RAB38: variants seen among roughly 807,000 people sequenced by gnomAD.
The protein encoded by RAB38 is ras-related protein Rab-38.
In RAB38, 15 loss-of-function variants were observed where a neutral mutation model predicts 18.4. The ratio of observed to expected loss-of-function variants is 0.82; its 90% CI spans 0.55 to 1.26. The LOEUF is 1.26. Among genes scored for constraint, RAB38 ranks in the 50% most tolerant of loss-of-function variants. The probability of loss-of-function intolerance (pLI) is 0.00; values close to 1 mark genes in which losing one functional copy is unlikely to be tolerated. For synonymous variants in RAB38, 101 were observed against 104.4 expected (o/e 0.97, Z 0.20); for missense variants, 294 against 267.4 (o/e 1.10, Z -0.69).
At chr11:88,042,015 C>G in the RAB38 span, among the ~76,000 whole-genome samples, 1 of 152,046 alleles carries the variant, frequency 6.6e-6, no homozygotes, top group Non-Finnish European at 1.5e-5. Context: ...ACCCACAACT[C>G]AGAAAAGGAA....
At chr11:88,141,647 G>A (rs892337521) in intron 2 of RAB38, among the ~76,000 whole-genome samples, 2 of 152,192 alleles carry the variant, frequency 1.3e-5, no homozygotes, top group African/African-American at 4.8e-5. Flanking sequence ...ATTCTCAGCT[G>A]GAAGGGTTTA....
chr11:88,079,803 A>C, the RAB38 span, among the ~76,000 whole-genome samples: 1 of 151,752 alleles, frequency 6.6e-6, no homozygotes, highest in Admixed American at 6.6e-5. Context: ...AAATATAGTA[A>C]TCTCGGTAGA....
the RAB38 span, among the ~76,000 whole-genome samples, chr11:87,867,657 C>A: frequency 6.6e-6 from 1 of 151,736 alleles, no homozygotes; most frequent in Non-Finnish European, 1.5e-5. Flanking sequence ...AATTGAAAGT[C>A]TGAAATTGAG....
the RAB38 span, among the ~76,000 whole-genome samples, chr11:88,019,446 C>T: frequency 6.6e-6 from 1 of 152,194 alleles, no homozygotes; most frequent in Non-Finnish European, 1.5e-5. Context: ...GTTGCCAGGA[C>T]CCCTGCAACT....
the RAB38 span, among the ~76,000 whole-genome samples, chr11:87,912,396 T>A: frequency 3.9e-5 from 6 of 151,994 alleles, no homozygotes; most frequent in Admixed American, 1.3e-4. Context: ...GCTATTCAGG[T>A]CACCTATTTC....
intron 1 of RAB38, among the ~76,000 whole-genome samples, chr11:88,169,965 T>C (rs1943289555): frequency 6.6e-6 from 1 of 152,258 alleles, no homozygotes; most frequent in Non-Finnish European, 1.5e-5. Context: ...GCACTTTATA[T>C]ATACATACAT....
chr11:88,141,351 A>G (rs111868998), intron 2 of RAB38, among the ~76,000 whole-genome samples: 2,815 of 152,220 alleles, frequency 0.018, 87 homozygotes, highest in African/African-American at 0.065. Flanking sequence ...GGGTAGAAAC[A>G]AGGAATGATT....
chr11:87,940,924 G>A, the RAB38 span, among the ~76,000 whole-genome samples: 2 of 151,748 alleles, frequency 1.3e-5, no homozygotes, highest in African/African-American at 4.8e-5. Context: ...AAGCCACCAC[G>A]CCCAGCCCAG....
chr11:87,877,545 A>G, the RAB38 span, among the ~76,000 whole-genome samples: 1 of 151,404 alleles, frequency 6.6e-6, no homozygotes, highest in East Asian at 2.0e-4. Flanking sequence ...TCCAGAATCC[A>G]ATTTTCTTTC....
chr11:88,060,989 T>C, the RAB38 span, among the ~76,000 whole-genome samples: 3 of 152,222 alleles, frequency 2.0e-5, no homozygotes, highest in Admixed American at 6.5e-5. Context: ...GATGTCTAGA[T>C]TGCCTGTGAG....
the RAB38 span, among the ~76,000 whole-genome samples, chr11:88,049,853 G>A: frequency 6.6e-6 from 1 of 152,144 alleles, no homozygotes; most frequent in Non-Finnish European, 1.5e-5. Context: ...GTTAAAATTT[G>A]GTTTTTACTA....
the RAB38 span, among the ~76,000 whole-genome samples, chr11:87,888,993 T>G: frequency 1.3e-5 from 2 of 151,930 alleles, no homozygotes; most frequent in Non-Finnish European, 2.9e-5. Context: ...TTTCCCTAAT[T>G]AGTGCTCATG....
At chr11:88,044,708 A>G in the RAB38 span, among the ~76,000 whole-genome samples, 1 of 152,006 alleles carries the variant, frequency 6.6e-6, no homozygotes, top group African/African-American at 2.4e-5. Context: ...AATGCGACTC[A>G]TCCCAAATCC....
At chr11:88,044,464 A>T in the RAB38 span, among the ~76,000 whole-genome samples, 1 of 152,120 alleles carries the variant, frequency 6.6e-6, no homozygotes, top group African/African-American at 2.4e-5. Flanking sequence ...TCAAGAACTT[A>T]AAACCTCTTC....
At chr11:87,875,881 A>T in the RAB38 span, among the ~76,000 whole-genome samples, 1 of 151,570 alleles carries the variant, frequency 6.6e-6, no homozygotes, top group African/African-American at 2.4e-5. Flanking sequence ...ATTCTTTTAG[A>T]TGTTCTATAT....
At chr11:87,858,269 A>G in the RAB38 span, among the ~76,000 whole-genome samples, 2 of 152,070 alleles carry the variant, frequency 1.3e-5, no homozygotes, top group Non-Finnish European at 2.9e-5. Context: ...TTGGCCTACA[A>G]TGCCGGGTGG....
chr11:88,147,822 G>A (rs1943010219), intron 2 of RAB38, among the ~76,000 whole-genome samples: 1 of 152,086 alleles, frequency 6.6e-6, no homozygotes, highest in Admixed American at 6.6e-5. Context: ...GAATCCGGGG[G>A]GTGGAGCTTG....
chr11:87,874,299 A>G, the RAB38 span, among the ~76,000 whole-genome samples: 1 of 151,630 alleles, frequency 6.6e-6, no homozygotes, highest in Non-Finnish European at 1.5e-5. Flanking sequence ...CAATAAAGTG[A>G]AGAGAAAATC....
At chr11:88,013,678 G>A in the RAB38 span, among the ~76,000 whole-genome samples, 5 of 152,102 alleles carry the variant, frequency 3.3e-5, no homozygotes, top group Admixed American at 3.3e-4. Context: ...CTAGGACCGA[G>A]ATGGATAAAA....
Sources: allele counts gnomAD v4.1 joint callset (sites outside exome capture counted in the v4.1 genomes callset), GRCh38; gene constraint gnomAD v4.1.1; transcripts MANE v1.5; gene names NCBI Gene and HGNC (gene_info 2026-07-23, HGNC 2026-07-21).